The following POLR3A variants were observed in gnomAD, a reference collection of about 807,000 sequenced individuals.
POLR3A encodes the protein RNA polymerase III subunit A.
In POLR3A, 112 loss-of-function variants were observed where a neutral mutation model predicts 152.8. The observed-to-expected ratio is 0.73, with a 90% CI of 0.63 to 0.86. POLR3A has a LOEUF of 0.86. POLR3A is among the 40% of genes least tolerant of loss of function. The pLI, the probability that POLR3A is intolerant of heterozygous loss-of-function variation, is 0.00. For missense variants in POLR3A, 1,385 were observed against 1,743.1 expected (o/e 0.79, Z 3.66); for synonymous variants, 615 against 652.1 (o/e 0.94, Z 0.87).
intron 12 of POLR3A, among the ~76,000 whole-genome samples, 163 bp from the exon 13 acceptor site, chr10:78,010,154 A>T (rs1011501833): frequency 6.6e-6 from 1 of 152,212 alleles, no homozygotes; most frequent in African/African-American, 2.4e-5. Flanking sequence ...CCTCCACAGG[A>T]ACGTGACTTT....
intron 10 of POLR3A, among the ~76,000 whole-genome samples, chr10:78,014,333 C>G (rs1847497322): frequency 6.6e-6 from 1 of 152,038 alleles, no homozygotes; most frequent in South Asian, 2.1e-4. Context: ...AAATAAAAAC[C>G]CATGTGTTTA....
In POLR3A at chr10:77,975,418, G is replaced by A. The variant is rs1343498844; in HGVS notation, c.*2060C>T. On this transcript the variant is annotated 3_prime_UTR_variant, in exon 31 of 31. Coordinates refer to ENST00000372371, the MANE Select transcript of POLR3A (RefSeq NM_007055.4). ...CTAGCAAGGCTGGCAGTTCCAGGAG[G>A]AGGACCAGCACCTCCAGGACGTATG... is the stretch of plus-strand genomic sequence containing the variant. 6.6e-6 allele frequency: 1 copy of A among 152,242 alleles called. No individual in the cohort carries two copies. The highest frequency in any genetic ancestry group is 1.5e-5 in the Non-Finnish European group (1 of 68,090). 9.4% of individuals were successfully genotyped at this position (152,242 alleles called of 1,614,324 possible).
Position 77,975,715 on chromosome 10 carries a change from C to T in POLR3A, c.*1763G>A, listed in dbSNP as rs4979935. 0.16 allele frequency: 24,346 copies of T among 152,228 alleles called. 2,095 individuals carry two copies. Among genetic ancestry groups the T allele is most frequent in the East Asian group, 0.27 (1,415 of 5,166 alleles). The allele number at this position is 152,228 out of a possible 1,614,324, so 9.4% of individuals were successfully genotyped here. On this transcript the variant is annotated 3_prime_UTR_variant, in exon 31 of 31. Transcript: ENST00000372371. ...GTCACCCGCAGAAGACAACAGGTGCCGGAGTTCACTCCTATGATTCAATTC... is the reference window on the plus strand; with the variant it reads ...GTCACCCGCAGAAGACAACAGGTGCTGGAGTTCACTCCTATGATTCAATTC...
At chr10:77,985,056 G>T in intron 24 of POLR3A, 114 bp downstream of exon 24, 1 of 984,468 alleles carries the variant, frequency 1.0e-6, no homozygotes, top group Non-Finnish European at 1.6e-6. Context: ...GCCACCCAGA[G>T]TTTAAGACAC....
At chr10:77,987,581 A>G (rs754020729) in intron 21 of POLR3A, among the ~76,000 whole-genome samples, 9 of 152,170 alleles carry the variant, frequency 5.9e-5, no homozygotes, top group Non-Finnish European at 1.3e-4. Context: ...ACATGGCTGA[A>G]AATGCCTAAG....
rs757209071 is a variant in POLR3A, at chr10:77,981,445, C to T, written c.3874G>A (p.Asp1292Asn). 9.3e-6 allele frequency: 15 copies of T among 1,613,934 alleles called. No individual in the cohort carries two copies. The highest frequency in any genetic ancestry group is 4.5e-5 in the East Asian group (2 of 44,886). The change falls in exon 29 of 31, where the codon GAC becomes AAC. Residue 1292 changes from aspartate (D) to asparagine (N), a missense_variant. By Grantham distance (23) the Asp-to-Asn change is conservative. Around this residue, in one of 7 missense-constraint regions of POLR3A, gnomAD observed 332 missense variants for 400.1 expected, o/e 0.83. Coordinates refer to ENST00000372371, the MANE Select transcript of POLR3A (RefSeq NM_007055.4). ...IDRRHVMLLSDLMTYKGEVLG... is the reference protein window; with the variant it reads ...IDRRHVMLLSNLMTYKGEVLG... ...CCACATACCTTGTAGGTCATGAGGT[C>T]GGAGAGCAGCATCACGTGCCTCCTG...
chr10:77,993,145 A>G, intron 20 of POLR3A, 52 bp downstream of exon 20: 1 of 1,417,482 alleles, frequency 7.1e-7, no homozygotes, highest in Non-Finnish European at 1.0e-6. Flanking sequence ...CTTCCGTCCT[A>G]AAGAAACATC....
At chr10:78,019,539 G>C in intron 8 of POLR3A, 1 of 499,954 alleles carries the variant, frequency 2.0e-6, no homozygotes, top group South Asian at 2.1e-5. Context: ...AAAACGGGTA[G>C]GCTAGACTGA....
chr10:78,019,615 C>A, intron 8 of POLR3A: 2 of 338,708 alleles, frequency 5.9e-6, no homozygotes, highest in South Asian at 5.7e-5. Flanking sequence ...TTACTGGGGG[C>A]TTGTAAGGTT....
At chr10:77,982,567 T>C (rs1296153572) in intron 27 of POLR3A, 86 bp downstream of exon 27, 12 of 1,219,550 alleles carry the variant, frequency 9.8e-6, no homozygotes, top group Non-Finnish European at 1.4e-5. Flanking sequence ...GAAATCGGAC[T>C]AAGTGACAAA....
At chr10:77,984,460 C>T (rs574206988) in intron 24 of POLR3A, among the ~76,000 whole-genome samples, 162 bp from the exon 25 acceptor site, 20 of 152,320 alleles carry the variant, frequency 1.3e-4, no homozygotes, top group Middle Eastern at 6.8e-3. Flanking sequence ...TCTCCTGCCT[C>T]AGCCTCTGGA....
At chr10:78,016,853 AAC>A (rs1283852752) in intron 10 of POLR3A, among the ~76,000 whole-genome samples, 6 of 150,286 alleles carry the variant, frequency 4.0e-5, no homozygotes, top group Non-Finnish European at 7.4e-5. Flanking sequence ...CAGCCTGGGT[AAC>A]AGAGTGAGAC....
rs140494771 is a variant in POLR3A, at chr10:77,986,942, C to T, written c.2902-783G>A. On this transcript the variant is annotated intron_variant, in intron 21 of 30. Coordinates refer to ENST00000372371, the MANE Select transcript of POLR3A (RefSeq NM_007055.4). ...GCAGGGCTAGAGACTACAGCCCTGA[C>T]TCAGGTTTTCTGGCAACCACTCAAA... 3.8e-3 allele frequency among the ~76,000 whole-genome samples: 574 copies of T among 152,280 alleles called. 5 individuals are homozygous for T. The highest frequency in any genetic ancestry group is 0.013 in the African/African-American group (555 of 41,554).
Position 78,001,197 on chromosome 10 carries a change from A to G in POLR3A, c.2360-103T>C, listed in dbSNP as rs148580374. 4.4e-6 allele frequency: 3 copies of G among 674,794 alleles called. No homozygotes were observed. The African/African-American group carries it at 5.3e-5, about 12-fold the overall frequency. The allele number at this position is 674,794 out of a possible 1,614,324, so 41.8% of individuals were successfully genotyped here. On this transcript the variant is annotated intron_variant, in intron 17 of 30. Transcript: ENST00000372371. Reference sequence around the variant, plus strand: ...AAACAGGAATAGGCCCTTATGCTCAATGAGGTCATGGTCCTGGAACAGTAG... The same window carrying G: ...AAACAGGAATAGGCCCTTATGCTCAGTGAGGTCATGGTCCTGGAACAGTAG...
chr10:78,017,040 T>A (rs1377892171), intron 10 of POLR3A, among the ~76,000 whole-genome samples: 4 of 152,054 alleles, frequency 2.6e-5, no homozygotes, highest in Non-Finnish European at 5.9e-5. Flanking sequence ...AAAAATTTAA[T>A]ATTAAAAAAT....
Position 77,991,107 on chromosome 10 carries a change from CTG to C in POLR3A, c.2846_2847del (p.Thr949ArgfsTer8). Reference protein sequence around the residue: ...ALSKNELILTTESIMKKSEFL... With the variant: ...ALSKNELILTXESIMKKSEFL... Reference sequence around the variant, plus strand: ...AACTCACTCTTCTTCATGATGGACTCTGTGGTCAGGATCAGCTCGTTTTTGCT... The same window carrying C: ...AACTCACTCTTCTTCATGATGGACTCTGGTCAGGATCAGCTCGTTTTTGCT... On this transcript the variant is annotated frameshift_variant, in exon 21 of 31. Transcript: ENST00000372371. LOFTEE classifies it high-confidence loss of function. 6.2e-7 allele frequency: 1 copy of C among 1,613,990 alleles called. No individual in the cohort carries two copies. Among genetic ancestry groups the C allele is most frequent in the Non-Finnish European group, 8.5e-7 (1 of 1,179,816 alleles).
At chr10:77,985,428 T>C (rs1847187350) in intron 23 of POLR3A, 88 bp from the exon 24 acceptor site, 1 of 1,007,638 alleles carries the variant, frequency 9.9e-7, no homozygotes. Flanking sequence ...TTATCACCTT[T>C]CAACAGAGAA....
chr10:77,992,275 C>CTTTT (rs879321306), intron 20 of POLR3A, among the ~76,000 whole-genome samples: 20 of 141,230 alleles, frequency 1.4e-4, no homozygotes, highest in African/African-American at 5.2e-4. Flanking sequence ...TTTTTTTCAT[C>CTTTT]TTTTTTTTTT....
In POLR3A at chr10:78,022,156, C is replaced by T. The variant is rs1847585925; in HGVS notation, c.874G>A (p.Val292Ile). 6.2e-7 allele frequency: 1 copy of T among 1,614,172 alleles called. No homozygotes were observed. Among genetic ancestry groups the T allele is most frequent in the Non-Finnish European group, 8.5e-7 (1 of 1,180,040 alleles). ...TGGGAGGCACTGACCTTTTTAATAACATCGTTTAGGAAAATGATTTCTGTC... is the reference window on the plus strand; with the variant it reads ...TGGGAGGCACTGACCTTTTTAATAATATCGTTTAGGAAAATGATTTCTGTC... ...KLTEIIFLND[V>I]IKKHRISGAK... Residue 292 changes from valine (V) to isoleucine (I), a missense_variant, in exon 6 of 31, where the codon GTT (valine) becomes ATT (isoleucine). Around this residue, in one of 7 missense-constraint regions of POLR3A, gnomAD observed 493 missense variants for 647.5 expected, o/e 0.76. Coordinates refer to ENST00000372371, the MANE Select transcript of POLR3A (RefSeq NM_007055.4).
Sources: gnomAD v4.1 joint callset for allele counts (sites outside exome capture counted in the v4.1 genomes callset) on GRCh38, gnomAD v4.1.1 for gene constraint, gnomAD v4.1.1 regional missense constraint, MANE v1.5 for transcripts, NCBI Gene and HGNC (gene_info 2026-07-23, HGNC 2026-07-21) for gene names.